The following DRGX variants were observed in gnomAD, a reference collection of about 807,000 sequenced individuals.
DRGX encodes dorsal root ganglia homeobox protein.
Under a neutral mutation model 28.6 loss-of-function variants are expected in DRGX, and 21 were observed. The observed-to-expected ratio is 0.73, with a 90% confidence interval of 0.52 to 1.06. DRGX has a LOEUF of 1.06. Ranked by LOEUF, DRGX falls within the 50% of genes least tolerant of loss-of-function variation. The pLI is 0.00. For missense variants in DRGX, 354 were observed against 343.9 expected, an observed-to-expected ratio of 1.03 and a Z score of -0.23; for synonymous variants, 136 against 139.1, an observed-to-expected ratio of 0.98 and a Z score of 0.16.
At chr10:49,368,319 A>G (rs1306942737) in intron 6 of DRGX, among the ~76,000 whole-genome samples, 1 of 152,214 alleles carries the variant, frequency 6.6e-6, no homozygotes, top group East Asian at 1.9e-4. Flanking sequence ...CTCAAGTTTG[A>G]CTGAGGGACT....
chr10:49,371,356 G>A (rs537664874), intron 6 of DRGX, among the ~76,000 whole-genome samples: 3 of 152,282 alleles, frequency 2.0e-5, no homozygotes, highest in Non-Finnish European at 1.5e-5. Context: ...GCCATGAAAC[G>A]TGTGCTCAAG....
intron 2 of DRGX, among the ~76,000 whole-genome samples, chr10:49,395,087 C>A (rs1425382202): frequency 6.6e-6 from 1 of 152,258 alleles, no homozygotes; most frequent in Non-Finnish European, 1.5e-5. Flanking sequence ...GATGCGGCCC[C>A]CTGGGTTGCG....
chr10:49,391,215 C>T lies in DRGX; in HGVS notation c.81G>A (p.Gly27=), dbSNP rs1849900211. ...GNHSSGDFDD[G]FLRRKQRRNR... is the part of the protein sequence containing the mutation. ...TCCGGCGCTGTTTTCTACGCAGAAA[C>T]CCGTCATCAAAATCCCCCGAAGAGT... The change falls in exon 3 of 7, where the codon GGG becomes GGA. Residue 27 remains glycine (G), a synonymous_variant. Transcript: ENST00000374139. 7 of 1,612,768 alleles carry T rather than the reference C, an allele frequency of 4.3e-6. No individual in the cohort carries two copies. Among genetic ancestry groups the T allele is most frequent in the African/African-American group, 2.7e-5 (2 of 74,984 alleles).
chr10:49,372,675 T>C (rs1472285523), intron 6 of DRGX, among the ~76,000 whole-genome samples: 1 of 152,224 alleles, frequency 6.6e-6, no homozygotes, highest in Non-Finnish European at 1.5e-5. Context: ...GACACCATGA[T>C]GGACACGAGA....
At position 49,390,250 on chromosome 10, in the gene DRGX, A is replaced by T; in HGVS notation, c.133-16T>A. ...GAGCTTCCAGCTGGTAAAAGGAAAA[A>T]ATATGTACTGGTGAGAGGCTGTGGC... On this transcript the variant is annotated splice_polypyrimidine_tract_variant and intron_variant, in intron 3 of 6. Coordinates refer to ENST00000374139, the MANE Select transcript of DRGX (RefSeq NM_001276451.2). 2 of 1,597,880 alleles carry T rather than the reference A, an allele frequency of 1.3e-6. No individual in the cohort carries two copies. The highest frequency in any genetic ancestry group is 1.7e-6 in the Non-Finnish European group (2 of 1,171,182).
rs1014299677 is a variant in DRGX, at chr10:49,371,687, G to C, written c.527-5306C>G. ...TGCTCCTGTAATCCCAGGTACTCCGGAGGCTAAGGTAGGAGAATCGCTTGA... is the reference window on the plus strand; with the variant it reads ...TGCTCCTGTAATCCCAGGTACTCCGCAGGCTAAGGTAGGAGAATCGCTTGA... On this transcript the variant is annotated intron_variant, in intron 6 of 6. Coordinates refer to ENST00000374139, the MANE Select transcript of DRGX (RefSeq NM_001276451.2). 2.6e-5 allele frequency among the ~76,000 whole-genome samples: 4 copies of C among 151,200 alleles called. No homozygotes were observed. In the East Asian group the frequency reaches 7.8e-4, roughly 29 times the overall value.
chr10:49,391,167 C>T lies in DRGX; in HGVS notation c.129G>A (p.Gln43=). 1.2e-6 allele frequency: 2 copies of T among 1,613,646 alleles called. No homozygotes were observed. The highest frequency in any genetic ancestry group is 2.2e-5 in the South Asian group (2 of 90,896). Residue 43 remains glutamine, a synonymous_variant, in exon 3 of 7, where the codon CAG becomes CAA. Transcript: ENST00000374139. Reference sequence around the variant, plus strand: ...AAAGGAGAATCAACGTTGGTACCTGCTGAAGAGTGAACGTCGTCCGGTTCC... The same window carrying T: ...AAAGGAGAATCAACGTTGGTACCTGTTGAAGAGTGAACGTCGTCCGGTTCC... ...QRRNRTTFTL[Q]QLEALEAVFA...
In DRGX at chr10:49,365,090, C is replaced by T. The variant is rs951765106; in HGVS notation, c.*1026G>A. On this transcript the variant is annotated 3_prime_UTR_variant, in exon 7 of 7. Coordinates refer to ENST00000374139, the MANE Select transcript of DRGX (RefSeq NM_001276451.2). Reference sequence around the variant, plus strand: ...TCCACACCATGAGAAAGCTGTCTTCCCCATGCTCCATATCTGCACATACGC... The same window carrying T: ...TCCACACCATGAGAAAGCTGTCTTCTCCATGCTCCATATCTGCACATACGC... 7 of 152,100 alleles carry T rather than the reference C, an allele frequency of 4.6e-5. No individual in the cohort carries two copies. The highest frequency in any genetic ancestry group is 1.7e-4 in the African/African-American group (7 of 41,328). 9.4% of individuals were successfully genotyped at this position (152,100 alleles called of 1,614,324 possible). A position where few individuals can be genotyped will look rare whatever the true frequency, so the allele number is the denominator to read the frequency against.
chr10:49,364,878 A>G lies in DRGX; in HGVS notation c.*1238T>C, dbSNP rs944503534. ...CAATAACCATCCGCATGGAAACACC[A>G]TCAGCAAAAGCCACCAAAGACTGCA... On this transcript the variant is annotated 3_prime_UTR_variant, in exon 7 of 7. Transcript: ENST00000374139. 6.6e-6 allele frequency: 1 copy of G among 152,226 alleles called. No individual in the cohort carries two copies. Among genetic ancestry groups the G allele is most frequent in the African/African-American group, 2.4e-5 (1 of 41,446 alleles). 9.4% of individuals were successfully genotyped at this position (152,226 alleles called of 1,614,324 possible).
intron 6 of DRGX, among the ~76,000 whole-genome samples, chr10:49,385,618 G>A (rs556367767): frequency 2.6e-5 from 4 of 152,206 alleles, no homozygotes; most frequent in South Asian, 2.1e-4. Context: ...GCTGGAGAGG[G>A]ACCCTCCTCG....
chr10:49,395,324 C>T, intron 2 of DRGX, 83 bp downstream of exon 2: 3 of 1,518,998 alleles, frequency 2.0e-6, no homozygotes, highest in South Asian at 1.2e-5. Flanking sequence ...GGGGACCCAG[C>T]CACCCACCAG....
intron 6 of DRGX, among the ~76,000 whole-genome samples, chr10:49,371,528 G>A (rs1479224580): frequency 6.6e-6 from 1 of 151,560 alleles, no homozygotes; most frequent in Non-Finnish European, 1.5e-5. Context: ...GTGGTGGCAG[G>A]CACCTGTAAT....
rs1004342451 is a variant in DRGX, at chr10:49,364,639, A to G, written c.*1477T>C. 1.3e-5 allele frequency: 2 copies of G among 151,676 alleles called. No homozygotes were observed. Among genetic ancestry groups the G allele is most frequent in the African/African-American group, 2.4e-5 (1 of 40,940 alleles). 9.4% of individuals were successfully genotyped at this position (151,676 alleles called of 1,614,324 possible). On this transcript the variant is annotated 3_prime_UTR_variant, in exon 7 of 7. Transcript: ENST00000374139. The stretch of plus-strand genomic sequence containing the variant: ...AAATCGTTTCATCTTTATACTCAAC[A>G]AGCAAAATACAGCAGGAAGAAGGAT...
chr10:49,372,192 T>C (rs571212450), intron 6 of DRGX, among the ~76,000 whole-genome samples: 1 of 152,278 alleles, frequency 6.6e-6, no homozygotes, highest in Non-Finnish European at 1.5e-5. Flanking sequence ...GGCCACTGAG[T>C]TGGCCGTGAG....
In DRGX at chr10:49,386,714, G is replaced by C. The variant is rs376423419; in HGVS notation, c.379C>G (p.Arg127Gly). ...GCCTCCAGCGCCTCCTTCTTACTCC[G>C]GGCTTGGTCCCCAGGGGGCGGGGAG... ...INSPPPGDQA[R>G]SKKEALEAQQ... Residue 127 changes from arginine to glycine, a missense_variant, in exon 5 of 7, where the codon CGG becomes GGG. By Grantham distance (125) the Arg-to-Gly change is moderately radical (BLOSUM62 -2). Coordinates refer to ENST00000374139, the MANE Select transcript of DRGX (RefSeq NM_001276451.2). The C allele has an allele frequency of 2.5e-6, 4 of 1,593,802 alleles. No homozygotes were observed. In the Admixed American group the frequency reaches 7.0e-5, roughly 28 times the overall value.
chr10:49,375,861 C>T (rs1350344742), intron 6 of DRGX, among the ~76,000 whole-genome samples: 1 of 152,148 alleles, frequency 6.6e-6, no homozygotes, highest in Admixed American at 6.5e-5. Context: ...CCAGCAGCAG[C>T]CAGAGCTCGG....
chr10:49,391,031 G>A, intron 3 of DRGX, 133 bp downstream of exon 3: 1 of 1,031,378 alleles, frequency 9.7e-7, no homozygotes, highest in South Asian at 1.6e-5. Context: ...CACATAAGTT[G>A]TTCAAGAAAA....
At chr10:49,389,378 A>G (rs990303806) in intron 4 of DRGX, among the ~76,000 whole-genome samples, 4 of 152,196 alleles carry the variant, frequency 2.6e-5, no homozygotes, top group Non-Finnish European at 5.9e-5. Context: ...CCTACATAAA[A>G]AAGAACAGAA....
At chr10:49,395,024 G>A (rs1371082628) in intron 2 of DRGX, among the ~76,000 whole-genome samples, 3 of 152,262 alleles carry the variant, frequency 2.0e-5, no homozygotes, top group Non-Finnish European at 2.9e-5. Context: ...AGGACGCGGC[G>A]GGTCCACTCG....
Sources: allele counts gnomAD v4.1 joint callset (sites outside exome capture counted in the v4.1 genomes callset), GRCh38; gene constraint gnomAD v4.1.1; transcripts MANE v1.5; gene names NCBI Gene and HGNC (gene_info 2026-07-23, HGNC 2026-07-21).